CAPN11: variants seen among roughly 807,000 people sequenced by gnomAD.
The protein encoded by CAPN11 is calpain 11, also known as calpain-11.
In CAPN11, 108 loss-of-function variants were observed where a neutral mutation model predicts 105.3. The observed-to-expected ratio is 1.03, with a 90% CI of 0.88 to 1.20. The LOEUF is 1.20. CAPN11 is among the 50% of genes most tolerant of loss of function. CAPN11 has a pLI of 0.00. For synonymous variants in CAPN11, 329 were observed against 344.5 expected, an observed-to-expected ratio of 0.96 and a Z score of 0.50; for missense variants, 883 against 924.8, an observed-to-expected ratio of 0.95 and a Z score of 0.59.
At position 44,176,922 on chromosome 6, in the gene CAPN11, G is replaced by A. The variant is rs1319150190; in HGVS notation, c.1161G>A (p.Lys387=). The change falls in exon 11 of 23, where the codon AAG becomes AAA. Residue 387 remains lysine (K), a synonymous_variant. Coordinates refer to ENST00000398776, the MANE Select transcript of CAPN11 (RefSeq NM_007058.4). ...CTGATACACTCTCTGGGGACTACAA[G>A]AGCTACTGGCACACCACCTTCTACG... ...LTPDTLSGDY[K]SYWHTTFYEG... is the part of the protein sequence containing the mutation. 2 of 1,613,838 alleles carry A rather than the reference G, an allele frequency of 1.2e-6. No individual in the cohort carries two copies. The highest frequency in any genetic ancestry group is 1.7e-6 in the Non-Finnish European group (2 of 1,179,894).
In CAPN11 at chr6:44,162,368, GACACACACACAC is replaced by G. The variant is rs57009949; in HGVS notation, c.16+3535_16+3546del. Among the ~76,000 whole-genome samples the G allele has an allele frequency of 1.0e-3, 140 of 138,750 alleles. 1 individual carries two copies. In the Middle Eastern group the frequency reaches 0.011, roughly 11 times the overall value. The allele number at this position is 138,750 out of a possible 152,430, so 91.0% of individuals were successfully genotyped here. A position where few individuals can be genotyped will look rare whatever the true frequency, so the allele number is the denominator to read the frequency against. ...CCCCCTCACAGTCTCTTTGAATAAAGACACACACACACACACACACACACACACACACACACA... is the reference window on the plus strand; with the variant it reads ...CCCCCTCACAGTCTCTTTGAATAAAGACACACACACACACACACACACACA... On this transcript the variant is annotated intron_variant, in intron 1 of 22. Coordinates refer to ENST00000398776, the MANE Select transcript of CAPN11 (RefSeq NM_007058.4).
chr6:44,177,537 G>A (rs1247121510), intron 12 of CAPN11, 117 bp downstream of exon 12: 3 of 930,304 alleles, frequency 3.2e-6, no homozygotes, highest in South Asian at 3.5e-5. Context: ...GCCCAGGCTG[G>A]AGTGCAGTGG....
intron 3 of CAPN11, 105 bp from the exon 4 acceptor site, chr6:44,169,801 T>C: frequency 4.2e-6 from 4 of 943,844 alleles, no homozygotes; most frequent in Non-Finnish European, 6.6e-6. Context: ...CCCTCATATC[T>C]GTTCCCCTGG....
chr6:44,176,209 C>G, intron 8 of CAPN11, 44 bp from the exon 9 acceptor site: 1 of 1,607,622 alleles, frequency 6.2e-7, no homozygotes, highest in African/African-American at 1.3e-5. Context: ...AGAACGTCTC[C>G]CTGACCCCAT....
chr6:44,159,611 C>T (rs1768339293), intron 1 of CAPN11, among the ~76,000 whole-genome samples: 1 of 152,146 alleles, frequency 6.6e-6, no homozygotes, highest in Non-Finnish European at 1.5e-5. Context: ...TGACCCCAAA[C>T]CCAGTCCTTG....
chr6:44,169,894 C>T lies in CAPN11; in HGVS notation c.340-12C>T. The T allele has an allele frequency of 6.2e-7, 1 of 1,603,940 alleles. No individual in the cohort carries two copies. Among genetic ancestry groups the T allele is most frequent in the Non-Finnish European group, 8.5e-7 (1 of 1,173,128 alleles). On this transcript the variant is annotated splice_polypyrimidine_tract_variant and intron_variant, in intron 3 of 22. Coordinates refer to ENST00000398776, the MANE Select transcript of CAPN11 (RefSeq NM_007058.4). ...TCCTGGGCCCCCTGAAACCTTTATT[C>T]CTTCACTGCAGGATATCATAAACAA... is the stretch of plus-strand genomic sequence containing the variant.
chr6:44,183,983 T>A lies in CAPN11; in HGVS notation c.*51T>A, dbSNP rs965748770. 7.7e-6 allele frequency: 12 copies of A among 1,548,926 alleles called. No homozygotes were observed. Among genetic ancestry groups the A allele is most frequent in the Non-Finnish European group, 9.6e-6 (11 of 1,144,968 alleles). On this transcript the variant is annotated 3_prime_UTR_variant, in exon 23 of 23. Coordinates refer to ENST00000398776, the MANE Select transcript of CAPN11 (RefSeq NM_007058.4). ...CTACCAGCAGCAGCAGCAGCGAGGT[T>A]CTAGCCCAGGAGGGTGGGGTGCTTC...
chr6:44,179,794 C>A, intron 13 of CAPN11, 158 bp from the exon 14 acceptor site: 2 of 919,408 alleles, frequency 2.2e-6, no homozygotes, highest in Non-Finnish European at 3.5e-6. Context: ...AAGGAAGAGA[C>A]CCTGTTGGAG....
In CAPN11 at chr6:44,184,149, A is replaced by G. The variant is rs2128320328; in HGVS notation, c.*217A>G. On this transcript the variant is annotated 3_prime_UTR_variant, in exon 23 of 23. Coordinates refer to ENST00000398776, the MANE Select transcript of CAPN11 (RefSeq NM_007058.4). Reference sequence around the variant, plus strand: ...TCAGAGGCTTTCTCTTTTTTCCCCAACCCGGCTTCTGATGGCTGGCTTTCC... The same window carrying G: ...TCAGAGGCTTTCTCTTTTTTCCCCAGCCCGGCTTCTGATGGCTGGCTTTCC... The G allele has an allele frequency of 1.1e-5, 6 of 568,710 alleles. No homozygotes were observed. Among genetic ancestry groups the G allele is most frequent in the South Asian group, 9.3e-5 (4 of 42,828 alleles). The allele number at this position is 568,710 out of a possible 1,614,324, so 35.2% of individuals were successfully genotyped here.
Position 44,180,105 on chromosome 6 carries a change from C to G in CAPN11, c.1582C>G (p.Pro528Ala). 1 of 1,613,564 alleles carries G rather than the reference C, an allele frequency of 6.2e-7. No individual in the cohort carries two copies. Reference protein sequence around the residue: ...EYIIIPSTFEPHRDADFLLRV... With the variant: ...EYIIIPSTFEAHRDADFLLRV... The stretch of plus-strand genomic sequence containing the variant: ...TATCATTATTCCCTCCACCTTTGAG[C>G]CACACAGAGATGCTGACTTCCTGCT... Residue 528 changes from proline to alanine, a missense_variant, in exon 14 of 23, where the codon CCA becomes GCA. Physicochemically the swap from Pro to Ala is conservative, Grantham distance 27. Transcript: ENST00000398776.
chr6:44,163,259 TAGCTCTGCTAA>T (rs1769223962), intron 1 of CAPN11, among the ~76,000 whole-genome samples: 2 of 152,170 alleles, frequency 1.3e-5, no homozygotes, highest in Non-Finnish European at 2.9e-5. Flanking sequence ...CCCAGGGCAT[TAGCTCTGCTAA>T]AAAGGGACAA....
At chr6:44,173,512 T>C (rs1771371842) in intron 7 of CAPN11, 126 bp downstream of exon 7, 1 of 612,540 alleles carries the variant, frequency 1.6e-6, no homozygotes. Context: ...TTCCCCAGAC[T>C]AGCCTTCCCT....
At chr6:44,170,139 C>A (rs1770713584) in intron 4 of CAPN11, among the ~76,000 whole-genome samples, 164 bp downstream of exon 4, 1 of 152,160 alleles carries the variant, frequency 6.6e-6, no homozygotes, top group South Asian at 2.1e-4. Flanking sequence ...GAACACCGTG[C>A]ATTCTTCCTG....
chr6:44,175,687 G>A (rs1771862752), intron 7 of CAPN11, among the ~76,000 whole-genome samples: 1 of 151,950 alleles, frequency 6.6e-6, no homozygotes, highest in Non-Finnish European at 1.5e-5. Flanking sequence ...TGAGGCAGGA[G>A]AATCCCTTGA....
rs529204221 is a variant in CAPN11 at position 44,169,173 on chromosome 6, A to T, written c.89-108A>T. 2.0e-4 allele frequency: 252 copies of T among 1,233,786 alleles called. 2 individuals are homozygous for T. Among genetic ancestry groups the T allele is most frequent in the Non-Finnish European group, 2.6e-4 (232 of 888,302 alleles). The allele number at this position is 1,233,786 out of a possible 1,614,324, so 76.4% of individuals were successfully genotyped here. On this transcript the variant is annotated intron_variant, in intron 2 of 22. Transcript: ENST00000398776. ...GGTCTCAAACTCCTAGGCTGAAGAGATCCTCCCACCTCAGCCTCCCAAAGT... is the reference window on the plus strand; with the variant it reads ...GGTCTCAAACTCCTAGGCTGAAGAGTTCCTCCCACCTCAGCCTCCCAAAGT...
rs1774087111 is a variant in CAPN11 at position 44,183,250 on chromosome 6, T to C, written c.2134+15T>C. On this transcript the variant is annotated intron_variant, in intron 21 of 22. Coordinates refer to ENST00000398776, the MANE Select transcript of CAPN11 (RefSeq NM_007058.4). ...GACCATGTTCAGTGAGTTAGGCATC[T>C]ACCCACTCCCCAGCCTAGGCCAGGG... 1 of 1,521,622 alleles carries C rather than the reference T, an allele frequency of 6.6e-7. No individual in the cohort carries two copies. The highest frequency in any genetic ancestry group is 1.4e-5 in the African/African-American group (1 of 73,164). 94.3% of individuals were successfully genotyped at this position (1,521,622 alleles called of 1,614,324 possible).
intron 20 of CAPN11, 39 bp from the exon 21 acceptor site, chr6:44,183,080 C>A: frequency 1.9e-6 from 3 of 1,597,542 alleles, no homozygotes; most frequent in Non-Finnish European, 2.6e-6. Flanking sequence ...TCCAGAGGCC[C>A]AGACTTTTCC....
rs1174573293 is a variant in CAPN11, at chr6:44,183,911, G to A, written c.2199G>A (p.Leu733=). 2 of 1,558,102 alleles carry A rather than the reference G, an allele frequency of 1.3e-6. No homozygotes were observed. The highest frequency in any genetic ancestry group is 1.9e-5 in the Admixed American group (1 of 51,916). The part of the protein sequence containing the change: ...GHICLSLEQW[L]QMTMWG ...TCTGCTTCCTGTCTCCACAGTGGCT[G>A]CAGATGACCATGTGGGGATAGAGGC... The change falls in exon 23 of 23, where the codon CTG becomes CTA. Residue 733 remains leucine (L), a synonymous_variant. Coordinates refer to ENST00000398776, the MANE Select transcript of CAPN11 (RefSeq NM_007058.4).
At position 44,177,288 on chromosome 6, in the gene CAPN11, G is replaced by T. The variant is rs1772236892; in HGVS notation, c.1284G>T (p.Gly428=). The T allele has an allele frequency of 1.9e-6, 3 of 1,612,062 alleles. No individual in the cohort carries two copies. The highest frequency in any genetic ancestry group is 2.5e-6 in the Non-Finnish European group (3 of 1,179,098). Residue 428 remains glycine, a synonymous_variant, in exon 12 of 23, where the codon GGG becomes GGT. Transcript: ENST00000398776. ...NPQFKISLPE[G]DDPEDDAEGN... ...AGTTTAAGATCTCTCTTCCTGAGGG[G>T]GATGACCCAGAGGATGACGCAGAGG...
Sources: allele counts gnomAD v4.1 joint callset (sites outside exome capture counted in the v4.1 genomes callset), GRCh38; gene constraint gnomAD v4.1.1; transcripts MANE v1.5; gene names NCBI Gene and HGNC (gene_info 2026-07-23, HGNC 2026-07-21).